GRK5: variants seen among roughly 807,000 people sequenced by gnomAD.
The protein encoded by GRK5 is g protein-coupled receptor kinase GRK5.
GRK5 carries 40 observed loss-of-function variants against 78.4 expected under a neutral mutation model. The observed-to-expected ratio is 0.51, with a 90% CI of 0.40 to 0.66. GRK5 has a LOEUF of 0.66. GRK5 is among the 30% of genes least tolerant of loss of function. The pLI is 0.00. For synonymous variants in GRK5, 289 were observed against 296.8 expected (o/e 0.97, Z 0.27); for missense variants, 598 against 759.9 (o/e 0.79, Z 2.50).
intron 4 of GRK5, among the ~76,000 whole-genome samples, chr10:119,405,310 C>G (rs58730017): frequency 6.6e-6 from 1 of 152,146 alleles, no homozygotes; most frequent in Non-Finnish European, 1.5e-5. Flanking sequence ...TGCCAAAGGT[C>G]TGCAGGCAGG....
chr10:119,371,031 C>A (rs1384429964), intron 2 of GRK5, among the ~76,000 whole-genome samples: 2 of 150,358 alleles, frequency 1.3e-5, no homozygotes, highest in African/African-American at 4.9e-5. Context: ...TTTCCAAGAG[C>A]CCCAGTGTTA....
chr10:119,305,172 C>A (rs1218417643), intron 1 of GRK5, among the ~76,000 whole-genome samples: 1 of 152,138 alleles, frequency 6.6e-6, no homozygotes, highest in African/African-American at 2.4e-5. Context: ...CCTTCCACCT[C>A]CCTGGGCTCT....
chr10:119,448,447 G>A (rs1853205796), intron 13 of GRK5, among the ~76,000 whole-genome samples, 187 bp downstream of exon 13: 1 of 152,260 alleles, frequency 6.6e-6, no homozygotes, highest in Non-Finnish European at 1.5e-5. Context: ...GTGCAGAAGA[G>A]GCGTGGGCCA....
At chr10:119,326,741 A>G (rs945030488) in intron 2 of GRK5, 130 bp downstream of exon 2, 18 of 705,066 alleles carry the variant, frequency 2.6e-5, no homozygotes, top group Non-Finnish European at 4.5e-5. Context: ...ATCAGTGGAC[A>G]CAGTATTGTG....
intron 1 of GRK5, among the ~76,000 whole-genome samples, chr10:119,252,648 A>G (rs750673799): frequency 1.3e-5 from 2 of 152,006 alleles, no homozygotes; most frequent in South Asian, 2.1e-4. Flanking sequence ...CTACCTTTCT[A>G]TTTTTCTCCT....
At chr10:119,274,959 A>G (rs980241458) in intron 1 of GRK5, among the ~76,000 whole-genome samples, 12 of 152,208 alleles carry the variant, frequency 7.9e-5, no homozygotes, top group African/African-American at 2.9e-4. Flanking sequence ...GCAAAGCAGT[A>G]AGAACCTGGG....
In GRK5 at chr10:119,452,562, G is replaced by C; in HGVS notation, c.1405-109G>C. ...GCCACTACCCATAGCAGTTCTGGGG[G>C]TGTGTCCTGGGAAGACTCCCTTCTG... On this transcript the variant is annotated intron_variant, in intron 13 of 15. Coordinates refer to ENST00000392870, the MANE Select transcript of GRK5 (RefSeq NM_005308.3). The surrounding 1 kb of genome is among the most constrained non-coding windows in gnomAD (Gnocchi z 4.4). 7.7e-7 allele frequency: 1 copy of C among 1,300,206 alleles called. No homozygotes were observed. Among genetic ancestry groups the C allele is most frequent in the South Asian group, 1.4e-5 (1 of 73,848 alleles). The allele number at this position is 1,300,206 out of a possible 1,614,324, so 80.5% of individuals were successfully genotyped here.
intron 1 of GRK5, among the ~76,000 whole-genome samples, chr10:119,210,682 T>C (rs1848472839): frequency 6.6e-6 from 1 of 152,240 alleles, no homozygotes. Context: ...AGAAATATAA[T>C]TGGCAAATGT....
chr10:119,300,283 G>T (rs1432093121), intron 1 of GRK5, among the ~76,000 whole-genome samples: 1 of 152,156 alleles, frequency 6.6e-6, no homozygotes, highest in African/African-American at 2.4e-5. Context: ...CGTCTTTTTT[G>T]CAGGATGCAA....
intron 1 of GRK5, among the ~76,000 whole-genome samples, chr10:119,247,593 G>T (rs1009686925): frequency 3.3e-5 from 5 of 152,150 alleles, no homozygotes; most frequent in African/African-American, 1.2e-4. Flanking sequence ...AAAATCACTG[G>T]TGATGGTCAA....
intron 2 of GRK5, among the ~76,000 whole-genome samples, chr10:119,364,101 G>A (rs1851407606): frequency 6.6e-6 from 1 of 152,168 alleles, no homozygotes; most frequent in Non-Finnish European, 1.5e-5. Context: ...CGGATTCTCT[G>A]GGCCTAGCAC....
intron 2 of GRK5, among the ~76,000 whole-genome samples, chr10:119,361,648 G>A (rs1851364642): frequency 6.6e-6 from 1 of 152,154 alleles, no homozygotes; most frequent in African/African-American, 2.4e-5. Context: ...CCCGGCAGTG[G>A]GGGAGGCGCA....
rs984524555 is a variant in GRK5, at chr10:119,378,847, G to C, written c.149-1968G>C. Among the ~76,000 whole-genome samples, 3 of 152,254 alleles carry C rather than the reference G, an allele frequency of 2.0e-5. No individual in the cohort carries two copies. The highest frequency in any genetic ancestry group is 7.2e-5 in the African/African-American group (3 of 41,462). ...CCCCACGGATCACAGGCCCTGACCT[G>C]ATTGGCTAGAACTGAGGCATGGCCA... is the stretch of plus-strand genomic sequence containing the variant. On this transcript the variant is annotated intron_variant, in intron 2 of 15. Transcript: ENST00000392870. This position sits in a 1 kb window ranked among gnomAD's most constrained non-coding sequence, Gnocchi z 4.5.
At position 119,425,323 on chromosome 10, in the gene GRK5, AGCATCTCG is replaced by A. The variant is rs535245691; in HGVS notation, c.533+239_533+246del. ...AACACACATTCACGCAAATGTAAACAGCATCTCGTTCTTACTTTTTTTACTTCACTGTC... is the reference window on the plus strand; with the variant it reads ...AACACACATTCACGCAAATGTAAACATTCTTACTTTTTTTACTTCACTGTC... On this transcript the variant is annotated intron_variant, in intron 6 of 15. Transcript: ENST00000392870. Among the ~76,000 whole-genome samples, 442 of 147,688 alleles carry A rather than the reference AGCATCTCG, an allele frequency of 3.0e-3. 1 individual carries two copies. Among genetic ancestry groups the A allele is most frequent in the African/African-American group, 0.011 (428 of 39,228 alleles).
At chr10:119,325,212 G>A (rs1052117242) in intron 1 of GRK5, among the ~76,000 whole-genome samples, 1 of 152,314 alleles carries the variant, frequency 6.6e-6, no homozygotes, top group East Asian at 1.9e-4. Flanking sequence ...ATGCTACCTT[G>A]TTTTCCCTCC....
In GRK5 at chr10:119,209,875, G is replaced by T. The variant is rs186248151; in HGVS notation, c.52+1906G>T. Among the ~76,000 whole-genome samples the T allele has an allele frequency of 8.5e-5, 13 of 152,174 alleles. No homozygotes were observed. The East Asian group carries it at 2.1e-3, about 25-fold the overall frequency. ...CTGATAGATGCTTTTTTTCTTCCCTGAGCATTTGGTTGCTTCTTTTATAAT... is the reference window on the plus strand; with the variant it reads ...CTGATAGATGCTTTTTTTCTTCCCTTAGCATTTGGTTGCTTCTTTTATAAT... On this transcript the variant is annotated intron_variant, in intron 1 of 15. Transcript: ENST00000392870.
chr10:119,312,939 A>G (rs117700465), intron 1 of GRK5, among the ~76,000 whole-genome samples: 2 of 106,040 alleles, frequency 1.9e-5, no homozygotes, highest in South Asian at 3.3e-4. Flanking sequence ...GGTGGTAGTG[A>G]TGGTGGTAAT....
chr10:119,291,528 CTCCTCCTCCTCTTCCTCCTCCTCCTCT>C (rs1849955162), intron 1 of GRK5, among the ~76,000 whole-genome samples: 1 of 141,888 alleles, frequency 7.0e-6, no homozygotes, highest in Non-Finnish European at 1.5e-5. Flanking sequence ...CCTCCTCTTC[CTCCTCCTCCTCTTCCTCCTCCTCCTCT>C]TCCTCCTCCT....
intron 15 of GRK5, among the ~76,000 whole-genome samples, chr10:119,454,591 T>C (rs1425820512): frequency 6.6e-6 from 1 of 152,210 alleles, no homozygotes; most frequent in Non-Finnish European, 1.5e-5. Context: ...CCAGCCACCC[T>C]GTGCGGAAGC....
Sources: allele counts gnomAD v4.1 joint callset (sites outside exome capture counted in the v4.1 genomes callset), GRCh38; gene constraint gnomAD v4.1.1; non-coding constraint Gnocchi (gnomAD v3.1); transcripts MANE v1.5; gene names NCBI Gene and HGNC (gene_info 2026-07-23, HGNC 2026-07-21).